Variants in ZNF814 observed in about 807,000 individuals in gnomAD.
ZNF814 encodes zinc finger protein 814.
A neutral mutation model predicts 7.5 loss-of-function variants in ZNF814; 5 were observed. The observed-to-expected ratio is 0.67, with a 90% CI of 0.35 to 1.40. The LOEUF (loss-of-function observed/expected upper bound fraction) is 1.40, where lower values mean the gene tolerates loss of function less well. Among genes scored for constraint, ZNF814 ranks in the 40% most tolerant of loss-of-function variants. The pLI is 0.04. For missense variants in ZNF814, 962 were observed against 1,018.0 expected (o/e 0.94, Z 0.75); for synonymous variants, 315 against 340.7 (o/e 0.92, Z 0.83).
rs1213368664 is a variant in ZNF814, at chr19:57,872,756, G to A, written c.*66C>T. ...ACTGCATTCATATGGCCTTTCTCCA[G>A]TGTGAACTCTCTGGTGTGCAATGAG... On this transcript the variant is annotated 3_prime_UTR_variant, in exon 3 of 3. Coordinates refer to ENST00000435989, the MANE Select transcript of ZNF814 (RefSeq NM_001144989.2). The A allele has an allele frequency of 1.6e-5, 26 of 1,607,932 alleles. No individual in the cohort carries two copies. The highest frequency in any genetic ancestry group is 1.2e-4 in the South Asian group (11 of 90,194).
Position 57,873,145 on chromosome 19 carries a change from A to G in ZNF814, c.2245T>C (p.Cys749Arg). Residue 749 changes from cysteine to arginine, a missense_variant, in exon 3 of 3, where the codon TGT becomes CGT. By Grantham distance (180) the Cys-to-Arg change is radical. Around this residue, in one of 7 missense-constraint regions of ZNF814, gnomAD observed 665 missense variants for 551.4 expected, o/e 1.21. Transcript: ENST00000435989. ...TGERPYECND[C>R]GKSFTHSSTF... ...GAGCTGTGGGTAAATGATTTTCCAC[A>G]ATCATTGCATTCATAAGGCCTTTCT... is the stretch of plus-strand genomic sequence containing the variant. 1 of 1,613,876 alleles carries G rather than the reference A, an allele frequency of 6.2e-7. No individual in the cohort carries two copies. Among genetic ancestry groups the G allele is most frequent in the Non-Finnish European group, 8.5e-7 (1 of 1,179,942 alleles).
upstream of ZNF814, among the ~76,000 whole-genome samples, chr19:57,892,364 C>G (rs1381201981): frequency 6.6e-6 from 1 of 152,190 alleles, no homozygotes; most frequent in Non-Finnish European, 1.5e-5. Flanking sequence ...ACAGGCCCAA[C>G]TTGGTGGAGT....
Position 57,872,933 on chromosome 19 carries a change from CTT to C in ZNF814, c.2455_2456del (p.Lys819GlufsTer10), listed in dbSNP as rs751497760. The C allele has an allele frequency of 4.0e-5, 64 of 1,613,838 alleles. No homozygotes were observed. The Admixed American group carries it at 9.2e-4, about 23-fold the overall frequency. On this transcript the variant is annotated frameshift_variant, in exon 3 of 3. Coordinates refer to ENST00000435989, the MANE Select transcript of ZNF814 (RefSeq NM_001144989.2). LOFTEE classifies it low-confidence loss of function (END_TRUNC). The part of the protein sequence containing the change: ...FAESSSLTKH[K>X]RVHTGEKPYK... ...AAGGCTTTTCTCCAGTGTGAACTCT[CTT>C]GTGTTTAGTGAGACTGGAGCTTTCA...
intron 1 of ZNF814, among the ~76,000 whole-genome samples, chr19:57,881,906 AC>A (rs1215770215): frequency 1.1e-5 from 1 of 89,686 alleles, no homozygotes; most frequent in Non-Finnish European, 2.0e-5. Context: ...AGTAAAGGGG[AC>A]CTTGTCTTGC....
At position 57,870,994 on chromosome 19, in the gene ZNF814, A is replaced by G. The variant is rs1027341181; in HGVS notation, c.*1828T>C. 5 of 152,160 alleles carry G rather than the reference A, an allele frequency of 3.3e-5. No individual in the cohort carries two copies. Among genetic ancestry groups the G allele is most frequent in the African/African-American group, 1.2e-4 (5 of 41,428 alleles). 9.4% of individuals were successfully genotyped at this position (152,160 alleles called of 1,614,324 possible). ...GGCTCTGCCTCAAAAAAAAAGAAAA[A>G]AAAAGAAAAAAAAGACATGAGTTGC... On this transcript the variant is annotated 3_prime_UTR_variant, in exon 3 of 3. Coordinates refer to ENST00000435989, the MANE Select transcript of ZNF814 (RefSeq NM_001144989.2).
the ZNF814 span, among the ~76,000 whole-genome samples, chr19:57,904,944 G>A: frequency 2.0e-5 from 3 of 151,742 alleles, no homozygotes; most frequent in Non-Finnish European, 4.4e-5. Context: ...TAGCTACTCG[G>A]GAGGCTGAGG....
Position 57,888,895 on chromosome 19 carries a change from C to T in ZNF814, c.-93G>A. 1.4e-6 allele frequency: 2 copies of T among 1,407,920 alleles called. No individual in the cohort carries two copies. Among genetic ancestry groups the T allele is most frequent in the Non-Finnish European group, 9.8e-7 (1 of 1,021,364 alleles). 87.2% of individuals were successfully genotyped at this position (1,407,920 alleles called of 1,614,324 possible). ...TCCGTATCCTGGCCCAGGAGTGGGTCACGCTGGGCGCCGTCACAGAGCTCC... is the reference window on the plus strand; with the variant it reads ...TCCGTATCCTGGCCCAGGAGTGGGTTACGCTGGGCGCCGTCACAGAGCTCC... On this transcript the variant is annotated 5_prime_UTR_variant, in exon 1 of 3. Coordinates refer to ENST00000435989, the MANE Select transcript of ZNF814 (RefSeq NM_001144989.2).
chr19:57,874,946 G>A lies in ZNF814; in HGVS notation c.444C>T (p.Tyr148=), dbSNP rs10412589. ...HQNEHIGEKP[Y]RGSVEEALFA... Reference sequence around the variant, plus strand: ...ACAACGCCTCCTCAACACTCCCTCTGTAGGGTTTCTCTCCAATGTGCTCAT... The same window carrying A: ...ACAACGCCTCCTCAACACTCCCTCTATAGGGTTTCTCTCCAATGTGCTCAT... Residue 148 remains tyrosine, a synonymous_variant, in exon 3 of 3, where the codon TAC becomes TAT. Transcript: ENST00000435989. The A allele has an allele frequency of 0.014, 22,468 of 1,612,712 alleles. 2,354 individuals carry two copies. The African/African-American group carries it at 0.25, about 18-fold the overall frequency.
chr19:57,873,425 A>G lies in ZNF814; in HGVS notation c.1965T>C (p.Thr655=), dbSNP rs764003850. Reference sequence around the variant, plus strand: ...CCCCACACTTAAAAGGTCTTTCTGTAGTGTGAACTCGCTGATGATTCCTAA... The same window carrying G: ...CCCCACACTTAAAAGGTCTTTCTGTGGTGTGAACTCGCTGATGATTCCTAA... ...GHLRNHQRVH[T]TERPFKCGEC... is the part of the protein sequence containing the mutation. Residue 655 remains threonine (T), a synonymous_variant, in exon 3 of 3, where the codon ACT becomes ACC. Coordinates refer to ENST00000435989, the MANE Select transcript of ZNF814 (RefSeq NM_001144989.2). 2 of 1,613,408 alleles carry G rather than the reference A, an allele frequency of 1.2e-6. No homozygotes were observed. The highest frequency in any genetic ancestry group is 1.7e-6 in the Non-Finnish European group (2 of 1,179,760).
At chr19:57,888,653 C>A (rs2071713389) in intron 1 of ZNF814, 114 bp downstream of exon 1, 1 of 1,355,176 alleles carries the variant, frequency 7.4e-7, no homozygotes, top group Non-Finnish European at 1.0e-6. Flanking sequence ...CCCGCAAGCG[C>A]CTCAGTGTCC....
At position 57,873,008 on chromosome 19, in the gene ZNF814, G is replaced by A; in HGVS notation, c.2382C>T (p.His794=). The part of the protein sequence containing the change: ...SSSFTKHKRV[H]TGEKPYECSE... ...TGCACTCATAAGGCTTTTCTCCAGT[G>A]TGAACTCTTTTGTGTTTTGTGAAAC... Residue 794 remains histidine, a synonymous_variant, in exon 3 of 3, where the codon CAC becomes CAT. Transcript: ENST00000435989. 1 of 1,613,948 alleles carries A rather than the reference G, an allele frequency of 6.2e-7. No individual in the cohort carries two copies. Among genetic ancestry groups the A allele is most frequent in the Non-Finnish European group, 8.5e-7 (1 of 1,179,884 alleles).
the ZNF814 span, among the ~76,000 whole-genome samples, chr19:57,905,090 C>CCTCGAAT: frequency 7.1e-6 from 1 of 141,106 alleles, no homozygotes; most frequent in Non-Finnish European, 1.5e-5. Context: ...CATGAAGAAT[C>CCTCGAAT]CTCGAATGTT....
rs763544267 is a variant in ZNF814, at chr19:57,874,170, T to G, written c.1220A>C (p.His407Pro). Reference protein sequence around the residue: ...NHQRVHTDKKHYECGECGKSF... With the variant: ...NHQRVHTDKKPYECGECGKSF... ...TTTCCCACATTCTCCACATTCATAA[T>G]GTTTTTTGTCAGTGTGAACTCTCTG... is the stretch of plus-strand genomic sequence containing the variant. The change falls in exon 3 of 3, where the codon CAT becomes CCT. Residue 407 changes from histidine (H) to proline (P), a missense_variant. By Grantham distance (77) the His-to-Pro change is moderately conservative. Around this residue, in one of 7 missense-constraint regions of ZNF814, gnomAD observed 665 missense variants for 551.4 expected, o/e 1.21. Transcript: ENST00000435989. 1.3e-6 allele frequency: 2 copies of G among 1,588,834 alleles called. No individual in the cohort carries two copies. Among genetic ancestry groups the G allele is most frequent in the Middle Eastern group, 1.7e-4 (1 of 6,036 alleles).
chr19:57,877,590 G>A (rs1176377437), intron 1 of ZNF814, among the ~76,000 whole-genome samples: 2 of 151,962 alleles, frequency 1.3e-5, no homozygotes, highest in East Asian at 1.9e-4. Flanking sequence ...TTACAGGCAT[G>A]TACCACCACA....
the ZNF814 span, among the ~76,000 whole-genome samples, chr19:57,898,134 C>T: frequency 6.6e-6 from 1 of 152,210 alleles, no homozygotes; most frequent in African/African-American, 2.4e-5. Context: ...AAACAAAAGG[C>T]ATCCATTGGT....
Position 57,874,680 on chromosome 19 carries a change from GT to G in ZNF814, c.709del (p.Thr237LeufsTer21). On this transcript the variant is annotated frameshift_variant, in exon 3 of 3. Coordinates refer to ENST00000435989, the MANE Select transcript of ZNF814 (RefSeq NM_001144989.2). LOFTEE classifies it low-confidence loss of function (END_TRUNC). ...HILSQHQRLL[T>X]REECYVCCEC... ...ACAGCACACATAACACTCTTCTCTA[GT>G]GAGCAGTCTCTGGTGCTGACTGAGT... is the stretch of plus-strand genomic sequence containing the variant. 1 of 1,564,616 alleles carries G rather than the reference GT, an allele frequency of 6.4e-7. No homozygotes were observed. The highest frequency in any genetic ancestry group is 8.7e-7 in the Non-Finnish European group (1 of 1,153,440).
chr19:57,877,063 G>A, intron 1 of ZNF814, 21 bp from the exon 2 acceptor site: 1 of 1,613,236 alleles, frequency 6.2e-7, no homozygotes, highest in Non-Finnish European at 8.5e-7. Flanking sequence ...GTTGACAGAT[G>A]AAACTACAAA....
intron 2 of ZNF814, chr19:57,876,584 T>C (rs1391648959): frequency 1.4e-5 from 6 of 414,106 alleles, no homozygotes; most frequent in Non-Finnish European, 2.1e-5. Flanking sequence ...CAGGAAGGCA[T>C]AAGAAAATAG....
intron 1 of ZNF814, among the ~76,000 whole-genome samples, chr19:57,878,166 CAAAAAAAAA>C (rs60614715): frequency 2.3e-5 from 2 of 88,438 alleles, no homozygotes; most frequent in South Asian, 4.0e-4. Flanking sequence ...AACTCTGTCT[CAAAAAAAAA>C]AAAAAAAAAA....
Sources: allele counts gnomAD v4.1 joint callset (sites outside exome capture counted in the v4.1 genomes callset), GRCh38; gene constraint gnomAD v4.1.1; regional missense constraint gnomAD v4.1.1; transcripts MANE v1.5; gene names NCBI Gene and HGNC (gene_info 2026-07-23, HGNC 2026-07-21).